Variants in PITPNM1 observed in about 807,000 individuals in gnomAD.
The protein encoded by PITPNM1 is membrane-associated phosphatidylinositol transfer protein 1.
PITPNM1 carries 74 observed loss-of-function variants against 133.3 expected under a neutral mutation model. That is an observed-to-expected ratio of 0.56 (90% CI 0.46 to 0.67). The LOEUF (loss-of-function observed/expected upper bound fraction) is 0.67. PITPNM1 is among the 30% of genes least tolerant of loss of function. The pLI is 0.00. For missense variants in PITPNM1, 1,398 were observed against 1,739.5 expected, an observed-to-expected ratio of 0.80 and a Z score of 3.49; for synonymous variants, 738 against 741.4, an observed-to-expected ratio of 1.00 and a Z score of 0.08.
intron 2 of PITPNM1, 175 bp downstream of exon 2, chr11:67,503,928 A>G: frequency 1.9e-6 from 1 of 525,310 alleles, no homozygotes; most frequent in Middle Eastern, 2.8e-4. Flanking sequence ...AGCGGATGGG[A>G]AGCACCACTC....
intron 14 of PITPNM1, chr11:67,497,017 C>T (rs1376777653): frequency 2.1e-6 from 1 of 466,876 alleles, no homozygotes; most frequent in East Asian, 3.4e-5. Context: ...TGCAGAACAT[C>T]CCACGGGTGT....
At chr11:67,494,499 C>G (rs1028550429) in intron 18 of PITPNM1, 139 bp from the exon 19 acceptor site, 4 of 651,988 alleles carry the variant, frequency 6.1e-6, no homozygotes, top group Admixed American at 5.9e-5. Context: ...AGGGCAAGCC[C>G]GGGGGGCGCA....
chr11:67,500,046 G>A (rs1341390717), intron 6 of PITPNM1, 37 bp from the exon 7 acceptor site: 2 of 1,605,530 alleles, frequency 1.2e-6, no homozygotes, highest in Non-Finnish European at 8.5e-7. Flanking sequence ...CAGCCCAGGA[G>A]CCCAGCCTGG....
rs377227731 is a variant in PITPNM1 at position 67,493,745 on chromosome 11, C to A, written c.3101G>T (p.Ser1034Ile). The change falls in exon 21 of 24, where the codon AGC becomes ATC. Residue 1034 changes from serine (S) to isoleucine (I), a missense_variant. Physicochemically the swap from Ser to Ile is moderately radical, Grantham distance 142. This residue lies in a region of PITPNM1 where 233 missense variants were observed against 378.0 expected (regional missense o/e 0.62). Transcript: ENST00000356404. ...VFSIDGSFTA[S>I]VSIMGSDPKV... ...GGGGTCGCTGCCCATGATGGAGACGCTGGCGGTGAAGGAGCCGTCGATGCT... is the reference window on the plus strand; with the variant it reads ...GGGGTCGCTGCCCATGATGGAGACGATGGCGGTGAAGGAGCCGTCGATGCT... 6.5e-7 allele frequency: 1 copy of A among 1,548,542 alleles called. No individual in the cohort carries two copies. The highest frequency in any genetic ancestry group is 1.4e-5 in the African/African-American group (1 of 73,112).
At chr11:67,496,598 G>C (rs1486568517) in intron 14 of PITPNM1, 5 of 491,156 alleles carry the variant, frequency 1.0e-5, no homozygotes, top group Non-Finnish European at 1.8e-5. Flanking sequence ...TCAGGAGTTC[G>C]AGACCAGTCT....
Position 67,491,999 on chromosome 11 carries a change from CAATA to C in PITPNM1, c.*30_*33del, listed in dbSNP as rs754777641. 180 of 1,601,014 alleles carry C rather than the reference CAATA, an allele frequency of 1.1e-4. No individual in the cohort carries two copies. Among genetic ancestry groups the C allele is most frequent in the Middle Eastern group, 5.0e-4 (3 of 5,966 alleles). ...AGCCCCTCGGGCCCCTTGGGTGTGT[CAATA>C]AATAACCCAGGTCCAGGCTGGTGTG... On this transcript the variant is annotated 3_prime_UTR_variant, in exon 24 of 24. Transcript: ENST00000356404.
At chr11:67,497,173 G>A (rs1451444561) in intron 14 of PITPNM1, 58 bp downstream of exon 14, 12 of 1,404,452 alleles carry the variant, frequency 8.5e-6, no homozygotes. Context: ...GCCAGAGGAG[G>A]TGGGGAAGGA....
In PITPNM1 at chr11:67,502,851, G is replaced by A. The variant is rs531799740; in HGVS notation, c.79-133C>T. 24 of 830,426 alleles carry A rather than the reference G, an allele frequency of 2.9e-5. No homozygotes were observed. The Middle Eastern group carries it at 1.4e-3, about 50-fold the overall frequency. 51.4% of individuals were successfully genotyped at this position (830,426 alleles called of 1,614,324 possible). On this transcript the variant is annotated intron_variant, in intron 2 of 23. Transcript: ENST00000356404. This position sits in a 1 kb window ranked among gnomAD's most constrained non-coding sequence, Gnocchi z 5.9. ...TTTCAACTCCCTGAAACCAGACCCC[G>A]CCCCACCAAAGCTCCCTGGGATCAG...
In PITPNM1 at chr11:67,492,954, T is replaced by G; in HGVS notation, c.3451A>C (p.Lys1151Gln). ...QTYIVGRAVRKLQAQCQFLSD... is the reference protein window; with the variant it reads ...QTYIVGRAVRQLQAQCQFLSD... ...CTCACCTGGCACTGCGCCTGTAGCT[T>G]CCGCACGGCACGGCCCACGATGTAG... The change falls in exon 23 of 24, where the codon AAG (lysine) becomes CAG (glutamine). Residue 1151 changes from lysine to glutamine, a missense_variant. By Grantham distance (53) the Lys-to-Gln change is moderately conservative. Transcript: ENST00000356404. 1.2e-6 allele frequency: 2 copies of G among 1,612,860 alleles called. No individual in the cohort carries two copies. The highest frequency in any genetic ancestry group is 1.7e-6 in the Non-Finnish European group (2 of 1,179,866).
At position 67,498,527 on chromosome 11, in the gene PITPNM1, T is replaced by C; in HGVS notation, c.1484+69A>G. 1 of 1,555,358 alleles carries C rather than the reference T, an allele frequency of 6.4e-7. No individual in the cohort carries two copies. The highest frequency in any genetic ancestry group is 1.2e-5 in the South Asian group (1 of 84,438). On this transcript the variant is annotated intron_variant, in intron 10 of 23. Transcript: ENST00000356404. The surrounding 1 kb of genome is among the most constrained non-coding windows in gnomAD (Gnocchi z 5.7). ...CCAGGTGTCTGGCTTCCTGACCCCTTCCCCGCTCCCTGCCCCGCTCCCTGG... is the reference window on the plus strand; with the variant it reads ...CCAGGTGTCTGGCTTCCTGACCCCTCCCCCGCTCCCTGCCCCGCTCCCTGG...
rs920278170 is a variant in PITPNM1, at chr11:67,492,812, G to C, written c.3471+122C>G. ...TGGCCCTTGTCCTCGGAGGATCCCA[G>C]GTTCCCTGGAGGCCGGTTAGGCCTT... is the stretch of plus-strand genomic sequence containing the variant. On this transcript the variant is annotated intron_variant, in intron 23 of 23. Transcript: ENST00000356404. The C allele has an allele frequency of 2.3e-6, 3 of 1,280,252 alleles. No individual in the cohort carries two copies. In the African/African-American group the frequency reaches 4.5e-5, roughly 19 times the overall value. The allele number at this position is 1,280,252 out of a possible 1,614,324, so 79.3% of individuals were successfully genotyped here. A position where few individuals can be genotyped will look rare whatever the true frequency, so the allele number is the denominator to read the frequency against.
rs1866200179 is a variant in PITPNM1 at position 67,498,316 on chromosome 11, G to A, written c.1491C>T (p.Ser497=). Residue 497 remains serine, a synonymous_variant, in exon 11 of 24, where the codon AGC becomes AGT. Coordinates refer to ENST00000356404, the MANE Select transcript of PITPNM1 (RefSeq NM_004910.3). The surrounding 1 kb of genome is among the most constrained non-coding windows in gnomAD (Gnocchi z 5.7). ...GGCTGTCCCCATCGTGGCTGTAAGG[G>A]CTCAGGCTGTAGGAGGGGGAAATGT... is the stretch of plus-strand genomic sequence containing the variant. ...AAAYALVSNL[S]PYSHDGDSLS... The A allele has an allele frequency of 1.9e-6, 3 of 1,574,842 alleles. No individual in the cohort carries two copies. Among genetic ancestry groups the A allele is most frequent in the Non-Finnish European group, 2.6e-6 (3 of 1,158,968 alleles).
chr11:67,503,075 G>A (rs757499085), intron 2 of PITPNM1, among the ~76,000 whole-genome samples: 6 of 152,224 alleles, frequency 3.9e-5, no homozygotes, highest in Admixed American at 2.0e-4. Flanking sequence ...AAAGGAAAAA[G>A]CAAATTATGT....
At chr11:67,505,934 C>T (rs1866496366), upstream of PITPNM1, among the ~76,000 whole-genome samples, 1 of 152,250 alleles carries the variant, frequency 6.6e-6, no homozygotes, top group South Asian at 2.1e-4. The surrounding 1 kb of genome is among the most constrained non-coding windows in gnomAD (Gnocchi z 5.8). Flanking sequence ...GTCACCCAGC[C>T]ACCCGGAGTC....
intron 23 of PITPNM1, 131 bp downstream of exon 23, chr11:67,492,803 A>G: frequency 8.4e-7 from 1 of 1,184,684 alleles, no homozygotes; most frequent in Non-Finnish European, 1.2e-6. Context: ...TTGTCCTCGG[A>G]GGATCCCAGG....
At chr11:67,495,413 G>T in intron 16 of PITPNM1, 25 bp downstream of exon 16, 1 of 1,474,622 alleles carries the variant, frequency 6.8e-7, no homozygotes, top group Non-Finnish European at 9.0e-7. Flanking sequence ...CCCCCAGGCT[G>T]GACTGCCTAG....
In PITPNM1 at chr11:67,495,213, C is replaced by T; in HGVS notation, c.2495G>A (p.Trp832Ter). 1 of 1,602,064 alleles carries T rather than the reference C, an allele frequency of 6.2e-7. No individual in the cohort carries two copies. Among genetic ancestry groups the T allele is most frequent in the East Asian group, 2.2e-5 (1 of 44,652 alleles). Residue 832 changes from tryptophan (W) to a stop codon, truncating the protein, a stop_gained, in exon 17 of 24, where the codon TGG (tryptophan) becomes TAG (stop). Transcript: ENST00000356404. LOFTEE classifies it high-confidence loss of function. ...GTAGTCGATCCGCTTGGTCCCCCACCAGCGCTCCAGGACTGCGCGGCCATG... is the reference window on the plus strand; with the variant it reads ...GTAGTCGATCCGCTTGGTCCCCCACTAGCGCTCCAGGACTGCGCGGCCATG... Reference protein sequence around the residue: ...TSEVVKILERWWGTKRIDYSL... With the variant: ...TSEVVKILER
Position 67,493,959 on chromosome 11 carries a change from G to C in PITPNM1, c.2971C>G (p.Leu991Val). ...CGCACGGGGTAGACACCAATGCCCA[G>C]CGCGCGTTCTGGGGGAACTGGGAAG... ...LTFPVPPERALGIGVYPVRMV... is the reference protein window; with the variant it reads ...LTFPVPPERAVGIGVYPVRMV... The change falls in exon 20 of 24, where the codon CTG becomes GTG. Residue 991 changes from leucine to valine, a missense_variant. By Grantham distance (32) the Leu-to-Val change is conservative. Transcript: ENST00000356404. 6.2e-7 allele frequency: 1 copy of C among 1,608,224 alleles called. No homozygotes were observed. Among genetic ancestry groups the C allele is most frequent in the Non-Finnish European group, 8.5e-7 (1 of 1,177,538 alleles).
rs145958022 is a variant in PITPNM1 at position 67,501,969 on chromosome 11, C to A, written c.533G>T (p.Arg178Leu). ...AAGGGGCCCCGTCTGTGCCGCCGTC[C>A]GTGCCCAGTCATCAGACAGTGGCCC... is the stretch of plus-strand genomic sequence containing the variant. The part of the protein sequence containing the change: ...GRGPLSDDWA[R>L]TAAQTGPLMC... The change falls in exon 5 of 24, where the codon CGG becomes CTG. Residue 178 changes from arginine (R) to leucine (L), a missense_variant. By Grantham distance (102) the Arg-to-Leu change is moderately radical. Transcript: ENST00000356404. The A allele has an allele frequency of 4.3e-6, 7 of 1,613,442 alleles. No individual in the cohort carries two copies. In the South Asian group the frequency reaches 5.5e-5, roughly 13 times the overall value.
Sources: allele counts gnomAD v4.1 joint callset (sites outside exome capture counted in the v4.1 genomes callset), GRCh38; gene constraint gnomAD v4.1.1; regional missense constraint gnomAD v4.1.1; non-coding constraint Gnocchi (gnomAD v3.1); transcripts MANE v1.5; gene names NCBI Gene and HGNC (gene_info 2026-07-23, HGNC 2026-07-21).